Variants in DPP10 observed in about 807,000 individuals in gnomAD.
DPP10 encodes inactive dipeptidyl peptidase 10.
In DPP10, 33 loss-of-function variants were observed where a neutral mutation model predicts 120.9. That is an observed-to-expected ratio of 0.27 (90% confidence interval 0.21 to 0.37). DPP10 has a LOEUF of 0.37. Among genes scored for constraint, DPP10 ranks in the 10% least tolerant of loss-of-function variants. The pLI, the probability that DPP10 is intolerant of heterozygous loss-of-function variation, is 1.00. For synonymous variants in DPP10, 337 were observed against 326.1 expected (o/e 1.03, Z -0.36); for missense variants, 816 against 942.8 (o/e 0.87, Z 1.76).
At chr2:115,045,255 CTGATATAT>C (rs1267939989) in intron 1 of DPP10, among the ~76,000 whole-genome samples, 2 of 152,122 alleles carry the variant, frequency 1.3e-5, no homozygotes, top group Non-Finnish European at 2.9e-5. Flanking sequence ...CTCTCCTGGA[CTGATATAT>C]TGATATATTG....
chr2:115,815,468 C>G (rs764120052), intron 20 of DPP10, among the ~76,000 whole-genome samples: 10 of 152,156 alleles, frequency 6.6e-5, no homozygotes, highest in Non-Finnish European at 1.5e-4. Flanking sequence ...GCATTTATAA[C>G]AAGCTTTCAG....
At chr2:115,144,918 T>A (rs13549) in intron 1 of DPP10, 116,686 of 151,976 alleles carry the variant, frequency 0.77, 45,012 homozygotes, top group East Asian at 0.97. Flanking sequence ...TGCTTTTGTC[T>A]CTCGCCAGTG....
intron 1 of DPP10, among the ~76,000 whole-genome samples, chr2:115,102,137 T>C (rs2048718647): frequency 6.6e-6 from 1 of 152,182 alleles, no homozygotes; most frequent in Non-Finnish European, 1.5e-5. Context: ...AAGATATTGG[T>C]TCCTGGTGAG....
At chr2:114,457,739 C>T (rs1370150700) in intron 1 of DPP10, among the ~76,000 whole-genome samples, 2 of 152,128 alleles carry the variant, frequency 1.3e-5, no homozygotes, top group African/African-American at 4.8e-5. Flanking sequence ...TTATTTTATG[C>T]TTTGCAAAGC....
At chr2:115,038,371 C>T (rs1351679628) in intron 1 of DPP10, among the ~76,000 whole-genome samples, 1 of 151,856 alleles carries the variant, frequency 6.6e-6, no homozygotes, top group African/African-American at 2.4e-5. Context: ...CCCGGGTTCA[C>T]GCCATTCTCC....
intron 12 of DPP10, among the ~76,000 whole-genome samples, chr2:115,765,300 C>A (rs1184951723): frequency 6.6e-6 from 1 of 152,004 alleles, no homozygotes; most frequent in African/African-American, 2.4e-5. Context: ...GATAGAAGTA[C>A]AAAGGGAGAA....
intron 1 of DPP10, among the ~76,000 whole-genome samples, chr2:114,914,782 C>A (rs1694643467): frequency 6.6e-6 from 1 of 152,200 alleles, no homozygotes; most frequent in South Asian, 2.1e-4. Context: ...CAAGACCCAA[C>A]TGTATGCTAT....
chr2:115,801,578 A>G (rs1575818787), intron 19 of DPP10, among the ~76,000 whole-genome samples: 2 of 152,058 alleles, frequency 1.3e-5, no homozygotes, highest in South Asian at 4.1e-4. Flanking sequence ...GTTTGTCATA[A>G]ATAGCTCTTA....
chr2:115,429,436 A>G (rs553172922), intron 3 of DPP10, among the ~76,000 whole-genome samples: 7 of 152,284 alleles, frequency 4.6e-5, no homozygotes, highest in African/African-American at 1.7e-4. Flanking sequence ...ACAGAGTGGT[A>G]ATGAGGTTTA....
chr2:115,669,551 A>G (rs989982157), intron 5 of DPP10, among the ~76,000 whole-genome samples: 1 of 152,122 alleles, frequency 6.6e-6, no homozygotes, highest in Non-Finnish European at 1.5e-5. Flanking sequence ...TGACTTAATA[A>G]TACATATCTT....
chr2:115,355,507 G>A (rs2064317137), intron 3 of DPP10, among the ~76,000 whole-genome samples: 1 of 151,946 alleles, frequency 6.6e-6, no homozygotes, highest in Non-Finnish European at 1.5e-5. Context: ...TTTGAAGGTT[G>A]CCTGTTCACT....
Position 115,841,509 on chromosome 2 carries a change from C to T in DPP10, c.2256+686C>T, listed in dbSNP as rs1299097287. ...CAGCATTCAGAAGAACCAAAAGTTG[C>T]TCAACCTGTCTAAAACACAAACTAC... is the stretch of plus-strand genomic sequence containing the variant. On this transcript the variant is annotated intron_variant, in intron 25 of 25. Transcript: ENST00000410059. 2.6e-5 allele frequency among the ~76,000 whole-genome samples: 4 copies of T among 152,200 alleles called. No individual in the cohort carries two copies. The South Asian group carries it at 8.3e-4, about 32-fold the overall frequency.
At chr2:115,651,573 T>C (rs2087776484) in intron 5 of DPP10, among the ~76,000 whole-genome samples, 1 of 152,012 alleles carries the variant, frequency 6.6e-6, no homozygotes, top group Non-Finnish European at 1.5e-5. Context: ...CCGAATGGTT[T>C]CCCACATATA....
At chr2:115,476,391 C>A (rs2121998) in intron 3 of DPP10, among the ~76,000 whole-genome samples, 83,593 of 151,834 alleles carry the variant, frequency 0.55, 24,500 homozygotes, top group Non-Finnish European at 0.67. Flanking sequence ...AAGTAGAAGC[C>A]ACTATACTTC....
chr2:115,237,361 T>C (rs762530427), intron 1 of DPP10, among the ~76,000 whole-genome samples: 5 of 152,142 alleles, frequency 3.3e-5, no homozygotes, highest in Non-Finnish European at 7.3e-5. Flanking sequence ...AATCAATAAA[T>C]GTTGTGTGTG....
At chr2:114,665,731 A>G (rs571557848) in intron 1 of DPP10, among the ~76,000 whole-genome samples, 21 of 152,328 alleles carry the variant, frequency 1.4e-4, no homozygotes, top group African/African-American at 4.6e-4. Flanking sequence ...CCCAAGAGAA[A>G]AATGTGTTGT....
At chr2:115,322,803 T>A (rs910549801) in intron 2 of DPP10, among the ~76,000 whole-genome samples, 5 of 152,216 alleles carry the variant, frequency 3.3e-5, no homozygotes, top group African/African-American at 1.2e-4. Context: ...TTATCGTATT[T>A]GTAGTTTATT....
At chr2:115,413,050 C>T (rs1465295149) in intron 3 of DPP10, among the ~76,000 whole-genome samples, 1 of 152,070 alleles carries the variant, frequency 6.6e-6, no homozygotes, top group Non-Finnish European at 1.5e-5. Context: ...AGTATAATGG[C>T]CAAACCCCAT....
At chr2:114,901,086 A>G (rs1693523328) in intron 1 of DPP10, among the ~76,000 whole-genome samples, 1 of 152,252 alleles carries the variant, frequency 6.6e-6, no homozygotes, top group African/African-American at 2.4e-5. Context: ...TTTATAATTA[A>G]TGGTGAAAGA....
Sources: allele counts gnomAD v4.1 joint callset (sites outside exome capture counted in the v4.1 genomes callset), GRCh38; gene constraint gnomAD v4.1.1; transcripts MANE v1.5; gene names NCBI Gene and HGNC (gene_info 2026-07-23, HGNC 2026-07-21).